The following DCK variants were observed in gnomAD, a reference collection of about 807,000 sequenced individuals.
DCK encodes deoxyadenosine kinase.
DCK carries 23 observed loss-of-function variants against 38.3 expected under a neutral mutation model. The observed-to-expected ratio is 0.60, with a 90% CI of 0.43 to 0.85. The LOEUF (loss-of-function observed/expected upper bound fraction) is 0.85. Among genes scored for constraint, DCK ranks in the 40% least tolerant of loss-of-function variants. The pLI is 0.00. For synonymous variants in DCK, 108 were observed against 100.6 expected (o/e 1.07, Z -0.44); for missense variants, 259 against 304.4 (o/e 0.85, Z 1.11).
chr4:71,001,400 T>C (rs1337594758), intron 2 of DCK, among the ~76,000 whole-genome samples: 2 of 152,116 alleles, frequency 1.3e-5, no homozygotes, highest in Non-Finnish European at 2.9e-5. Context: ...AGTATTTTAT[T>C]GAGGATTTTC....
intron 2 of DCK, among the ~76,000 whole-genome samples, chr4:71,005,074 G>A (rs550866535): frequency 1.1e-4 from 16 of 152,320 alleles, no homozygotes; most frequent in African/African-American, 3.8e-4. Context: ...CCAAATGGCT[G>A]TCCAGTTTTG....
At position 71,029,337 on chromosome 4, in the gene DCK, T is replaced by C. The variant is rs1353434534; in HGVS notation, c.757-15T>C. On this transcript the variant is annotated splice_polypyrimidine_tract_variant and intron_variant, in intron 6 of 6. Coordinates refer to ENST00000286648, the MANE Select transcript of DCK (RefSeq NM_000788.3). The stretch of plus-strand genomic sequence containing the variant: ...TCAAGGAATTATACTGATTTTTTTT[T>C]CTTCCTTTCCTCAGGTCAAAGAGTT... 1.9e-6 allele frequency: 3 copies of C among 1,567,364 alleles called. No homozygotes were observed. The highest frequency in any genetic ancestry group is 2.6e-6 in the Non-Finnish European group (3 of 1,153,118).
In DCK at chr4:71,023,717, A is replaced by G. The variant is rs1016162315; in HGVS notation, c.549+11A>G. On this transcript the variant is annotated intron_variant, in intron 4 of 6. Transcript: ENST00000286648. ...CAAGCCACTCCAGAGGTAAAACCCA[A>G]TAAAAATGTGTTTCACTGAAAATTT... 6 of 1,596,770 alleles carry G rather than the reference A, an allele frequency of 3.8e-6. No homozygotes were observed. Among genetic ancestry groups the G allele is most frequent in the East Asian group, 2.2e-5 (1 of 44,642 alleles).
In DCK at chr4:71,028,334, G is replaced by A. The variant is rs951895448; in HGVS notation, c.757-1018G>A. Among the ~76,000 whole-genome samples the A allele has an allele frequency of 3.9e-5, 6 of 152,290 alleles. 1 individual carries two copies. Among genetic ancestry groups the A allele is most frequent in the African/African-American group, 1.4e-4 (6 of 41,560 alleles). On this transcript the variant is annotated intron_variant, in intron 6 of 6. Coordinates refer to ENST00000286648, the MANE Select transcript of DCK (RefSeq NM_000788.3). ...TTGATAGATGCAGTGGCTCACACCT[G>A]TAATCCCAGCACTTTGGGAGGCTGA...
rs1327190364 is a variant in DCK at position 71,010,362 on chromosome 4, T to C, written c.208-12005T>C. Among the ~76,000 whole-genome samples, 4 of 151,566 alleles carry C rather than the reference T, an allele frequency of 2.6e-5. No homozygotes were observed. In the South Asian group the frequency reaches 6.2e-4, roughly 24 times the overall value. ...TTATTAGCAATCTTGGTATGGAACG[T>C]TTTTAAAAATAATAATAATGTACTT... On this transcript the variant is annotated intron_variant, in intron 2 of 6. Coordinates refer to ENST00000286648, the MANE Select transcript of DCK (RefSeq NM_000788.3).
intron 2 of DCK, among the ~76,000 whole-genome samples, chr4:71,003,892 G>T (rs948180947): frequency 3.9e-5 from 6 of 152,158 alleles, no homozygotes; most frequent in African/African-American, 1.4e-4. Context: ...CTTGCATTGG[G>T]TTAGAACGTG....
chr4:70,999,804 T>C (rs2148912195), intron 2 of DCK, among the ~76,000 whole-genome samples: 1 of 152,342 alleles, frequency 6.6e-6, no homozygotes, highest in Admixed American at 6.5e-5. Flanking sequence ...GTTTGTTGGC[T>C]GCATAAATGT....
chr4:71,014,567 G>A (rs926870434), intron 2 of DCK, among the ~76,000 whole-genome samples: 4 of 141,008 alleles, frequency 2.8e-5, no homozygotes, highest in African/African-American at 7.5e-5. Flanking sequence ...ATAAAAAACT[G>A]TCTCTCAGAC....
chr4:71,029,569 T>G lies in DCK; in HGVS notation c.*191T>G. Reference sequence around the variant, plus strand: ...CAGTTTCTTTTCTTTTGTTTTTTTTTTAAAAAAGACATTTAAAGACAAAGA... The same window carrying G: ...CAGTTTCTTTTCTTTTGTTTTTTTTGTAAAAAAGACATTTAAAGACAAAGA... On this transcript the variant is annotated 3_prime_UTR_variant, in exon 7 of 7. Transcript: ENST00000286648. 1 of 560,356 alleles carries G rather than the reference T, an allele frequency of 1.8e-6. No individual in the cohort carries two copies. The highest frequency in any genetic ancestry group is 2.5e-5 in the South Asian group (1 of 39,840). The allele number at this position is 560,356 out of a possible 1,614,324, so 34.7% of individuals were successfully genotyped here. A position where few individuals can be genotyped will look rare whatever the true frequency, so the allele number is the denominator to read the frequency against.
intron 1 of DCK, among the ~76,000 whole-genome samples, chr4:70,996,395 C>T (rs528842719): frequency 1.3e-4 from 20 of 152,200 alleles, no homozygotes; most frequent in African/African-American, 4.1e-4. Context: ...GTTGCTAACT[C>T]GAAAACGTTT....
Position 70,998,180 on chromosome 4 carries a change from G to C in DCK, c.205G>C (p.Glu69Gln). The C allele has an allele frequency of 6.6e-7, 1 of 1,521,730 alleles. No individual in the cohort carries two copies. The highest frequency in any genetic ancestry group is 9.0e-7 in the Non-Finnish European group (1 of 1,106,336). 94.3% of individuals were successfully genotyped at this position (1,521,730 alleles called of 1,614,324 possible). Residue 69 changes from glutamate to glutamine, a missense_variant and splice_region_variant, in exon 2 of 7, where the codon GAG (glutamate) becomes CAG (glutamine). Glu to Gln is a conservative substitution (Grantham distance 29, BLOSUM62 2). Transcript: ENST00000286648. ...CNVQSTQDEF[E>Q]ELTMSQKNGG... ...TGTTCAAAGTACTCAAGATGAATTT[G>C]AGGTATGAAAATAAAATTTAAGTAG...
intron 6 of DCK, among the ~76,000 whole-genome samples, chr4:71,028,421 A>G (rs926675678): frequency 2.0e-5 from 3 of 152,064 alleles, no homozygotes; most frequent in Admixed American, 2.0e-4. Flanking sequence ...GTGAGACCTC[A>G]TCTCTATAAA....
intron 2 of DCK, among the ~76,000 whole-genome samples, chr4:71,020,554 T>A (rs1397964997): frequency 6.6e-5 from 10 of 152,244 alleles, no homozygotes; most frequent in Non-Finnish European, 1.5e-4. Flanking sequence ...AAAGAAGACC[T>A]CTTCCTCATA....
chr4:70,993,688 G>C lies in DCK; in HGVS notation c.-148G>C. On this transcript the variant is annotated 5_prime_UTR_variant, in exon 1 of 7. Coordinates refer to ENST00000286648, the MANE Select transcript of DCK (RefSeq NM_000788.3). Reference sequence around the variant, plus strand: ...CCTCCGCGCGCCAAAGTCAAACCCCGACACCCGCCGGCGGGCCGGTGAGCT... The same window carrying C: ...CCTCCGCGCGCCAAAGTCAAACCCCCACACCCGCCGGCGGGCCGGTGAGCT... 5.2e-6 allele frequency: 3 copies of C among 579,958 alleles called. No individual in the cohort carries two copies. The South Asian group carries it at 6.3e-5, about 12-fold the overall frequency. The allele number at this position is 579,958 out of a possible 1,614,324, so 35.9% of individuals were successfully genotyped here. A position where few individuals can be genotyped will look rare whatever the true frequency, so the allele number is the denominator to read the frequency against.
At chr4:71,025,648 C>G (rs1740530238) in intron 4 of DCK, among the ~76,000 whole-genome samples, 168 bp from the exon 5 acceptor site, 2 of 151,998 alleles carry the variant, frequency 1.3e-5, no homozygotes, top group African/African-American at 4.8e-5. Flanking sequence ...CACCAAGTGG[C>G]TGAAAAGCTC....
intron 2 of DCK, among the ~76,000 whole-genome samples, chr4:71,014,286 A>G (rs1740194012): frequency 6.6e-6 from 1 of 152,220 alleles, no homozygotes; most frequent in Admixed American, 6.5e-5. Flanking sequence ...TTAGAGACCT[A>G]CAAAGAGACT....
At chr4:71,010,567 A>G (rs1740062680) in intron 2 of DCK, among the ~76,000 whole-genome samples, 1 of 148,814 alleles carries the variant, frequency 6.7e-6, no homozygotes, top group South Asian at 2.1e-4. Context: ...AATTAAAAAA[A>G]TTAAGATATT....
chr4:71,000,034 C>T (rs1439297585), intron 2 of DCK, among the ~76,000 whole-genome samples: 1 of 151,996 alleles, frequency 6.6e-6, no homozygotes, highest in Non-Finnish European at 1.5e-5. Flanking sequence ...TAATTAGATC[C>T]CATTTGTCAG....
chr4:71,021,933 T>C (rs1317717583), intron 2 of DCK, among the ~76,000 whole-genome samples: 1 of 152,084 alleles, frequency 6.6e-6, no homozygotes, highest in Non-Finnish European at 1.5e-5. Context: ...ACCTGGTAGG[T>C]GGAGGTTGCA....
Sources: gnomAD v4.1 joint callset for allele counts (sites outside exome capture counted in the v4.1 genomes callset) on GRCh38, gnomAD v4.1.1 for gene constraint, MANE v1.5 for transcripts, NCBI Gene and HGNC (gene_info 2026-07-23, HGNC 2026-07-21) for gene names.